FAM240C: variants seen among roughly 807,000 people sequenced by gnomAD.
The protein encoded by FAM240C is protein FAM240C.
Under a neutral mutation model 10.0 loss-of-function variants are expected in FAM240C, and 14 were observed. The observed-to-expected ratio is 1.40, with a 90% CI of 0.92 to 2.19. The LOEUF (loss-of-function observed/expected upper bound fraction) is 2.19, where lower values mean the gene tolerates loss of function less well. Ranked by LOEUF, FAM240C falls within the 30% of genes most tolerant of loss-of-function variation. FAM240C has a pLI of 0.00. For synonymous variants in FAM240C, 49 were observed against 44.3 expected, an observed-to-expected ratio of 1.11 and a Z score of -0.42; for missense variants, 154 against 122.3, an observed-to-expected ratio of 1.26 and a Z score of -1.22.
rs1280089091 is a variant in FAM240C, at chr2:241,894,091, G to A, written c.*122C>T. The A allele has an allele frequency of 8.5e-7, 1 of 1,170,814 alleles. No individual in the cohort carries two copies. The highest frequency in any genetic ancestry group is 1.2e-6 in the Non-Finnish European group (1 of 846,748). The allele number at this position is 1,170,814 out of a possible 1,614,324, so 72.5% of individuals were successfully genotyped here. On this transcript the variant is annotated 3_prime_UTR_variant, in exon 3 of 3. Transcript: ENST00000404031. ...GTGGGATTATTACGGGGTCAGCGAGGTGCGGGCCATTTCCATGATGAAGAT... is the reference window on the plus strand; with the variant it reads ...GTGGGATTATTACGGGGTCAGCGAGATGCGGGCCATTTCCATGATGAAGAT...
chr2:241,895,964 G>GT (rs5839831), intron 2 of FAM240C, among the ~76,000 whole-genome samples: 2 of 21,822 alleles, frequency 9.2e-5, no homozygotes, highest in African/African-American at 4.3e-4. Context: ...ACTCGGTGGT[G>GT]GGGGGGGGCC....
rs189154681 is a variant in FAM240C at position 241,896,182 on chromosome 2, C to T, written c.161+1004G>A. Among the ~76,000 whole-genome samples, 1,072 of 152,266 alleles carry T rather than the reference C, an allele frequency of 7.0e-3. 18 individuals carry two copies. The highest frequency in any genetic ancestry group is 0.024 in the African/African-American group (1,007 of 41,548). On this transcript the variant is annotated intron_variant, in intron 2 of 2. Coordinates refer to ENST00000404031, the MANE Select transcript of FAM240C (RefSeq NM_001382368.1). Reference sequence around the variant, plus strand: ...GCCTCTGGAAGCTCCTGCTGTGTGCCGGCCAGTGTCTTGCAGCAAATGAGC... The same window carrying T: ...GCCTCTGGAAGCTCCTGCTGTGTGCTGGCCAGTGTCTTGCAGCAAATGAGC...
chr2:241,894,329 C>A lies in FAM240C; in HGVS notation c.172G>T (p.Gly58Ter). Reference protein sequence around the residue: ...RRSALNKLRVGWAEQLEGRNK... With the variant: ...RRSALNKLRV ...CTCCCCTCCAGCTGCTCAGCCCATCCCACGCGGAGCCTGGGGCAGGGCGAT... is the reference window on the plus strand; with the variant it reads ...CTCCCCTCCAGCTGCTCAGCCCATCACACGCGGAGCCTGGGGCAGGGCGAT... Residue 58 changes from glycine to a stop codon, truncating the protein, a stop_gained, in exon 3 of 3, where the codon GGA (glycine) becomes TGA (stop). Coordinates refer to ENST00000404031, the MANE Select transcript of FAM240C (RefSeq NM_001382368.1). LOFTEE classifies it high-confidence loss of function. 1 of 1,545,760 alleles carries A rather than the reference C, an allele frequency of 6.5e-7. No individual in the cohort carries two copies. The highest frequency in any genetic ancestry group is 8.7e-7 in the Non-Finnish European group (1 of 1,144,822).
chr2:241,902,402 C>T (rs1181573928), upstream of FAM240C: 1 of 147,888 alleles, frequency 6.8e-6, no homozygotes, highest in African/African-American at 2.5e-5. The surrounding 1 kb of genome is among the most constrained non-coding windows in gnomAD (Gnocchi z 7.1). Context: ...TCCCCTCCGC[C>T]GCCGCCTCCC....
chr2:241,896,078 C>T (rs1701792304), intron 2 of FAM240C, among the ~76,000 whole-genome samples: 1 of 152,110 alleles, frequency 6.6e-6, no homozygotes, highest in African/African-American at 2.4e-5. Context: ...CACCCCCAGG[C>T]TCTGTGGGAC....
intron 1 of FAM240C, chr2:241,899,175 G>A (rs773121690): frequency 5.3e-5 from 69 of 1,304,066 alleles, no homozygotes; most frequent in Middle Eastern, 2.1e-4. Flanking sequence ...GCAATGAACA[G>A]GTGCTGGGGA....
In FAM240C at chr2:241,900,166, C is replaced by T. The variant is rs754641597; in HGVS notation, c.12+192G>A. On this transcript the variant is annotated intron_variant, in intron 1 of 2. Transcript: ENST00000404031. The surrounding 1 kb of genome is among the most constrained non-coding windows in gnomAD (Gnocchi z 4.5). ...GCAGGTGATGGAGACACTCTCCCCC[C>T]ACCAAAGGTGTTGACAGCAGGAATC... Among the ~76,000 whole-genome samples, 35 of 152,202 alleles carry T rather than the reference C, an allele frequency of 2.3e-4. No individual in the cohort carries two copies. The highest frequency in any genetic ancestry group is 4.4e-4 in the Non-Finnish European group (30 of 68,038).
At chr2:241,901,461 A>G (rs925089426), upstream of FAM240C, among the ~76,000 whole-genome samples, 1 of 151,836 alleles carries the variant, frequency 6.6e-6, no homozygotes, top group African/African-American at 2.4e-5. This position sits in a 1 kb window ranked among gnomAD's most constrained non-coding sequence, Gnocchi z 4.9. Flanking sequence ...CTTATTTTTT[A>G]TATTATCCTT....
chr2:241,894,577 G>T (rs1452838953), intron 2 of FAM240C, among the ~76,000 whole-genome samples: 4 of 43,474 alleles, frequency 9.2e-5, no homozygotes, highest in African/African-American at 1.3e-4. Flanking sequence ...GGTTGGTGGG[G>T]GGGGGGGGGG....
intron 2 of FAM240C, among the ~76,000 whole-genome samples, chr2:241,896,591 G>A (rs1575419666): frequency 3.8e-5 from 5 of 131,094 alleles, no homozygotes; most frequent in Non-Finnish European, 6.8e-5. Context: ...GGGTGTTGGG[G>A]TGTGGGTGAA....
chr2:241,902,039 C>G (rs1219265116), upstream of FAM240C, among the ~76,000 whole-genome samples: 2 of 152,194 alleles, frequency 1.3e-5, no homozygotes, highest in Non-Finnish European at 2.9e-5. The surrounding 1 kb of genome is among the most constrained non-coding windows in gnomAD (Gnocchi z 7.1). Flanking sequence ...CTGATCTCCC[C>G]GTGTTTCGGA....
Position 241,894,275 on chromosome 2 carries a change from A to C in FAM240C, c.226T>G (p.Cys76Gly), listed in dbSNP as rs1190216339. The C allele has an allele frequency of 2.6e-6, 4 of 1,549,788 alleles. No homozygotes were observed. The highest frequency in any genetic ancestry group is 3.5e-6 in the Non-Finnish European group (4 of 1,146,796). Residue 76 changes from cysteine to glycine, a missense_variant, in exon 3 of 3, where the codon TGC becomes GGC. Physicochemically the swap from Cys to Gly is radical, Grantham distance 159 (BLOSUM62 -3). Coordinates refer to ENST00000404031, the MANE Select transcript of FAM240C (RefSeq NM_001382368.1). ...GTGGCCTCCGGGACCCTGTCTGGGC[A>C]TCTCCCTGGGCCCTGCAGCATCTTG... is the stretch of plus-strand genomic sequence containing the variant. ...RNKMLQGPGR[C>G]PDRVPEATES... is the part of the protein sequence containing the mutation.
At chr2:241,896,919 T>C (rs1230317556) in intron 2 of FAM240C, among the ~76,000 whole-genome samples, 1 of 151,538 alleles carries the variant, frequency 6.6e-6, no homozygotes, top group Non-Finnish European at 1.5e-5. Flanking sequence ...TGGATAGTGA[T>C]GTTTGATCTG....
intron 1 of FAM240C, 43 bp from the exon 2 acceptor site, chr2:241,897,377 A>T: frequency 6.5e-7 from 1 of 1,538,058 alleles, no homozygotes; most frequent in Non-Finnish European, 8.8e-7. Context: ...ACCTTATGCC[A>T]TTCCCATTGA....
intron 2 of FAM240C, 129 bp from the exon 3 acceptor site, chr2:241,894,468 G>A (rs1187302897): frequency 1.7e-5 from 18 of 1,062,652 alleles, no homozygotes; most frequent in Non-Finnish European, 2.2e-5. Flanking sequence ...AGGGGTGGGG[G>A]TGTCACCGCA....
intron 1 of FAM240C, among the ~76,000 whole-genome samples, chr2:241,897,962 TG>T (rs1311887183): frequency 1.3e-5 from 2 of 152,160 alleles, no homozygotes; most frequent in Non-Finnish European, 2.9e-5. Flanking sequence ...CTTGAGCTCC[TG>T]GGCTCAAGCA....
At position 241,897,131 on chromosome 2, in the gene FAM240C, T is replaced by A; in HGVS notation, c.161+55A>T. 4 of 1,530,784 alleles carry A rather than the reference T, an allele frequency of 2.6e-6. No homozygotes were observed. In the South Asian group the frequency reaches 3.6e-5, roughly 14 times the overall value. 94.8% of individuals were successfully genotyped at this position (1,530,784 alleles called of 1,614,324 possible). On this transcript the variant is annotated intron_variant, in intron 2 of 2. Coordinates refer to ENST00000404031, the MANE Select transcript of FAM240C (RefSeq NM_001382368.1). ...CTGCTGGCGGGGCTGTGCCCCTGGG[T>A]GGCGAGCGTGGCTCAGGCATAGGGG...
Position 241,897,184 on chromosome 2 carries a change from A to C in FAM240C, c.161+2T>G, listed in dbSNP as rs1420444121. The C allele has an allele frequency of 1.3e-6, 2 of 1,549,576 alleles. No homozygotes were observed. Among genetic ancestry groups the C allele is most frequent in the Non-Finnish European group, 1.7e-6 (2 of 1,146,368 alleles). ...CCCGATGCACTGCACACCCCGACTC[A>C]CTTGTTCAGAGCGCTTCTGCGAACC... On this transcript the variant is annotated splice_donor_variant, in intron 2 of 2. Transcript: ENST00000404031. LOFTEE classifies it high-confidence loss of function.
upstream of FAM240C, among the ~76,000 whole-genome samples, chr2:241,901,710 G>A (rs1211552672): frequency 6.6e-6 from 1 of 152,202 alleles, no homozygotes; most frequent in Non-Finnish European, 1.5e-5. This position sits in a 1 kb window ranked among gnomAD's most constrained non-coding sequence, Gnocchi z 4.9. Context: ...AGCTGCTTCA[G>A]AAAAACCGCT....
Sources: allele counts gnomAD v4.1 joint callset (sites outside exome capture counted in the v4.1 genomes callset), GRCh38; gene constraint gnomAD v4.1.1; non-coding constraint Gnocchi (gnomAD v3.1); transcripts MANE v1.5; gene names NCBI Gene and HGNC (gene_info 2026-07-23, HGNC 2026-07-21).